Variants in DHTKD1 observed in about 807,000 individuals in gnomAD.
The protein encoded by DHTKD1 is dehydrogenase E1 and transketolase domain containing 1.
In DHTKD1, 78 loss-of-function variants were observed where a neutral mutation model predicts 101.8. That is an observed-to-expected ratio of 0.77 (90% confidence interval 0.64 to 0.93). The LOEUF (loss-of-function observed/expected upper bound fraction) is 0.93. Ranked by LOEUF, DHTKD1 falls within the 40% of genes least tolerant of loss-of-function variation. DHTKD1 has a pLI of 0.00. For missense variants in DHTKD1, 1,223 were observed against 1,161.7 expected (o/e 1.05, Z -0.77); for synonymous variants, 462 against 450.3 (o/e 1.03, Z -0.33).
chr10:12,084,529 G>T lies in DHTKD1; in HGVS notation c.311-11G>T. On this transcript the variant is annotated splice_polypyrimidine_tract_variant and intron_variant, in intron 2 of 16. Transcript: ENST00000263035. Reference sequence around the variant, plus strand: ...ATTTTTTAAGATGACCCCTTTGATTGTATTTCACAGGATTATTGAACATGG... The same window carrying T: ...ATTTTTTAAGATGACCCCTTTGATTTTATTTCACAGGATTATTGAACATGG... 6.5e-7 allele frequency: 1 copy of T among 1,539,070 alleles called. No homozygotes were observed. The highest frequency in any genetic ancestry group is 1.1e-5 in the South Asian group (1 of 89,390).
At chr10:12,081,451 T>A in intron 1 of DHTKD1, 21 bp from the exon 2 acceptor site, 1 of 1,612,558 alleles carries the variant, frequency 6.2e-7, no homozygotes, top group East Asian at 2.2e-5. Flanking sequence ...GTTTGCATTT[T>A]TAAATTTTCC....
rs1242270835 is a variant in DHTKD1, at chr10:12,068,984, G to C, written c.-50G>C. The C allele has an allele frequency of 1.2e-6, 2 of 1,606,628 alleles. No homozygotes were observed. Among genetic ancestry groups the C allele is most frequent in the Non-Finnish European group, 1.7e-6 (2 of 1,176,958 alleles). ...GTCCCGGATTTACCAGGGCCGGTGG[G>C]ATCCCCTCGGGCTCCCGCCTTAGCA... On this transcript the variant is annotated 5_prime_UTR_variant, in exon 1 of 17. Transcript: ENST00000263035.
chr10:12,090,043 T>G (rs976232742), intron 5 of DHTKD1, among the ~76,000 whole-genome samples: 2 of 151,906 alleles, frequency 1.3e-5, no homozygotes, highest in African/African-American at 4.8e-5. Flanking sequence ...AAATTATCAG[T>G]GTGGTTCGTT....
chr10:12,101,356 A>G (rs1034577806), intron 10 of DHTKD1, among the ~76,000 whole-genome samples, 175 bp downstream of exon 10: 20 of 152,218 alleles, frequency 1.3e-4, no homozygotes, highest in Non-Finnish European at 2.9e-5. Context: ...AGTAACCCCT[A>G]GAGAGTAGGC....
In DHTKD1 at chr10:12,117,304, C is replaced by CTTT. The variant is rs71382683; in HGVS notation, c.2320-347_2320-345dup. 4.0e-3 allele frequency among the ~76,000 whole-genome samples: 284 copies of CTTT among 71,584 alleles called. 5 individuals carry two copies. Among genetic ancestry groups the CTTT allele is most frequent in the Middle Eastern group, 0.011 (1 of 90 alleles). The allele number at this position is 71,584 out of a possible 152,430, so 47.0% of individuals were successfully genotyped here. Reference sequence around the variant, plus strand: ...GGATTACAGGCATGAGCCACGGCACCTTTTTTTTTTTTTTTTTTTTTTTTA... The same window carrying CTTT: ...GGATTACAGGCATGAGCCACGGCACCTTTTTTTTTTTTTTTTTTTTTTTTTTTA... On this transcript the variant is annotated intron_variant, in intron 13 of 16. Transcript: ENST00000263035.
intron 2 of DHTKD1, among the ~76,000 whole-genome samples, chr10:12,083,250 A>T (rs1222003287): frequency 6.6e-6 from 1 of 152,034 alleles, no homozygotes; most frequent in Non-Finnish European, 1.5e-5. Flanking sequence ...GCCATACATA[A>T]AATACACTAA....
intron 1 of DHTKD1, among the ~76,000 whole-genome samples, chr10:12,070,377 T>A (rs1322102868): frequency 1.3e-5 from 2 of 152,236 alleles, no homozygotes; most frequent in Admixed American, 1.3e-4. Flanking sequence ...AAGATCCCCT[T>A]CGGCATCTGG....
At chr10:12,105,057 A>G (rs1421969583) in intron 10 of DHTKD1, among the ~76,000 whole-genome samples, 1 of 151,616 alleles carries the variant, frequency 6.6e-6, no homozygotes, top group Non-Finnish European at 1.5e-5. Flanking sequence ...ACTGGGTTTC[A>G]CCATGTTGGC....
chr10:12,092,798 C>T (rs1255845102), intron 6 of DHTKD1, among the ~76,000 whole-genome samples: 1 of 151,848 alleles, frequency 6.6e-6, no homozygotes, highest in African/African-American at 2.4e-5. Flanking sequence ...AGCGAAACTC[C>T]ATCTCAAAGG....
At chr10:12,088,706 CT>C (rs1168894894) in intron 4 of DHTKD1, among the ~76,000 whole-genome samples, 4 of 152,002 alleles carry the variant, frequency 2.6e-5, no homozygotes, top group African/African-American at 4.8e-5. Flanking sequence ...GCCTCAGCCT[CT>C]CTACTAGCTG....
intron 7 of DHTKD1, among the ~76,000 whole-genome samples, chr10:12,096,490 A>T (rs1833072504): frequency 6.6e-6 from 1 of 152,002 alleles, no homozygotes; most frequent in African/African-American, 2.4e-5. Flanking sequence ...GGCTCAAGCG[A>T]TCCTCCCGCC....
In DHTKD1 at chr10:12,087,450, C is replaced by T; in HGVS notation, c.523-85C>T. The T allele has an allele frequency of 2.4e-6, 3 of 1,230,364 alleles. No homozygotes were observed. The highest frequency in any genetic ancestry group is 3.4e-6 in the Non-Finnish European group (3 of 877,290). The allele number at this position is 1,230,364 out of a possible 1,614,324, so 76.2% of individuals were successfully genotyped here. A position where few individuals can be genotyped will look rare whatever the true frequency, so the allele number is the denominator to read the frequency against. On this transcript the variant is annotated intron_variant, in intron 3 of 16. Transcript: ENST00000263035. This position sits in a 1 kb window ranked among gnomAD's most constrained non-coding sequence, Gnocchi z 5.2. ...GGCCACTTGGGGAGTGTGGGGCCAT[C>T]TCACAACACACACAGACTTATCTGC...
chr10:12,071,052 T>C (rs1832643402), intron 1 of DHTKD1, among the ~76,000 whole-genome samples: 1 of 152,212 alleles, frequency 6.6e-6, no homozygotes, highest in Non-Finnish European at 1.5e-5. Context: ...TTGGTACCCA[T>C]TGCCTGGCTG....
chr10:12,071,626 T>C (rs914818111), intron 1 of DHTKD1, among the ~76,000 whole-genome samples: 4 of 151,828 alleles, frequency 2.6e-5, no homozygotes, highest in African/African-American at 9.7e-5. Context: ...AAAAATTAGC[T>C]GGGTGTGGTG....
At chr10:12,113,748 A>G (rs933691091) in intron 13 of DHTKD1, among the ~76,000 whole-genome samples, 2 of 152,016 alleles carry the variant, frequency 1.3e-5, no homozygotes, top group Non-Finnish European at 2.9e-5. Context: ...CAACATTGCA[A>G]GACCCCATCT....
chr10:12,097,662 G>A, intron 7 of DHTKD1, 22 bp from the exon 8 acceptor site: 1 of 1,582,760 alleles, frequency 6.3e-7, no homozygotes, highest in Non-Finnish European at 8.6e-7. Flanking sequence ...ACTGATTTTT[G>A]TTTCTTCTCT....
intron 7 of DHTKD1, among the ~76,000 whole-genome samples, chr10:12,094,824 C>T (rs1252880224): frequency 6.6e-6 from 1 of 151,500 alleles, no homozygotes; most frequent in African/African-American, 2.4e-5. Flanking sequence ...ATTTTTAGTA[C>T]AGACAGGGGT....
rs764415717 is a variant in DHTKD1, at chr10:12,069,097, C to A, written c.64C>A (p.Arg22Ser). Residue 22 changes from arginine to serine, a missense_variant, in exon 1 of 17, where the codon CGT becomes AGT. By Grantham distance (110) the Arg-to-Ser change is moderately radical (BLOSUM62 -1). Transcript: ENST00000263035. ...GLGRALPLFW[R>S]GYQTERGVYG... ...CGGCCGGGCTCTCCCTCTCTTCTGG[C>A]GTGGCTACCAGACCGAGCGGGGCGT... 79 of 1,612,108 alleles carry A rather than the reference C, an allele frequency of 4.9e-5. 1 individual carries two copies. In the Admixed American group the frequency reaches 1.3e-3, roughly 26 times the overall value.
rs1833306534 is a variant in DHTKD1 at position 12,110,135 on chromosome 10, A to G, written c.2154+2120A>G. ...AACACGGTGAAACCCTGTGTCTACTAAAAATACAAAAAATTAGCCGGGCAC... is the reference window on the plus strand; with the variant it reads ...AACACGGTGAAACCCTGTGTCTACTGAAAATACAAAAAATTAGCCGGGCAC... On this transcript the variant is annotated intron_variant, in intron 12 of 16. Transcript: ENST00000263035. This position sits in a 1 kb window ranked among gnomAD's most constrained non-coding sequence, Gnocchi z 4.9. Among the ~76,000 whole-genome samples the G allele has an allele frequency of 6.6e-6, 1 of 152,120 alleles. No homozygotes were observed. Among genetic ancestry groups the G allele is most frequent in the Non-Finnish European group, 1.5e-5 (1 of 68,034 alleles).
Sources: allele counts gnomAD v4.1 joint callset (sites outside exome capture counted in the v4.1 genomes callset), GRCh38; gene constraint gnomAD v4.1.1; non-coding constraint Gnocchi (gnomAD v3.1); transcripts MANE v1.5; gene names NCBI Gene and HGNC (gene_info 2026-07-23, HGNC 2026-07-21).